Variants in UBE3D observed in about 807,000 individuals in gnomAD.
The protein encoded by UBE3D is E3 ubiquitin-protein ligase E3D.
UBE3D carries 48 observed loss-of-function variants against 49.6 expected under a neutral mutation model. That is an observed-to-expected ratio of 0.97 (90% CI 0.77 to 1.23). The LOEUF (loss-of-function observed/expected upper bound fraction) is 1.23. Among genes scored for constraint, UBE3D ranks in the 50% most tolerant of loss-of-function variants. UBE3D has a pLI of 0.00. For synonymous variants in UBE3D, 189 were observed against 174.2 expected, an observed-to-expected ratio of 1.08 and a Z score of -0.67; for missense variants, 452 against 468.4, an observed-to-expected ratio of 0.96 and a Z score of 0.32.
At chr6:82,917,038 G>T (rs890142546) in intron 9 of UBE3D, among the ~76,000 whole-genome samples, 9 of 152,186 alleles carry the variant, frequency 5.9e-5, no homozygotes, top group African/African-American at 1.9e-4. Context: ...AAAAGCTAAG[G>T]TTCTGCCTCC....
At chr6:82,983,925 A>AT (rs1473148247) in intron 8 of UBE3D, among the ~76,000 whole-genome samples, 12 of 151,706 alleles carry the variant, frequency 7.9e-5, no homozygotes, top group East Asian at 3.9e-4. Context: ...ACTTAAGTTC[A>AT]TTTTTTTTCC....
intron 1 of UBE3D, among the ~76,000 whole-genome samples, chr6:83,064,631 T>C (rs1274444773): frequency 2.0e-5 from 3 of 152,124 alleles, no homozygotes; most frequent in Admixed American, 6.5e-5. Context: ...TTGGTAGGGT[T>C]TGGGTTCCTA....
At chr6:82,960,781 C>G (rs1289746022) in intron 8 of UBE3D, among the ~76,000 whole-genome samples, 1 of 152,010 alleles carries the variant, frequency 6.6e-6, no homozygotes, top group Non-Finnish European at 1.5e-5. Flanking sequence ...TCTGCAGACA[C>G]AGTCAGGTAT....
chr6:82,949,331 A>G (rs1775623310), intron 9 of UBE3D, among the ~76,000 whole-genome samples: 1 of 152,112 alleles, frequency 6.6e-6, no homozygotes, highest in African/African-American at 2.4e-5. Flanking sequence ...GATCTCTACA[A>G]TGAAAACTGT....
chr6:82,999,574 G>A (rs1214190983), intron 8 of UBE3D, among the ~76,000 whole-genome samples: 6 of 151,920 alleles, frequency 3.9e-5, no homozygotes, highest in East Asian at 1.9e-4. Flanking sequence ...TAGTAGAGAC[G>A]GGGTTTCACC....
downstream of UBE3D, chr6:82,892,286 T>A (rs546642327): frequency 2.9e-4 from 44 of 152,372 alleles, no homozygotes; most frequent in African/African-American, 9.4e-4. Flanking sequence ...CCTTGTGAAA[T>A]TAGGAGCTAG....
chr6:82,938,732 C>T (rs1466804360), intron 9 of UBE3D: 1 of 152,132 alleles, frequency 6.6e-6, no homozygotes, highest in Non-Finnish European at 1.5e-5. Flanking sequence ...TCTTGAAATT[C>T]CCTATCATAC....
intron 8 of UBE3D, among the ~76,000 whole-genome samples, chr6:83,008,901 A>G (rs1357114079): frequency 6.6e-6 from 1 of 152,218 alleles, no homozygotes; most frequent in African/African-American, 2.4e-5. Flanking sequence ...ATAAAACAAA[A>G]GTAGTTACAT....
chr6:83,032,677 C>T (rs1781963755), intron 5 of UBE3D, among the ~76,000 whole-genome samples: 1 of 152,106 alleles, frequency 6.6e-6, no homozygotes, highest in East Asian at 1.9e-4. Flanking sequence ...TTGGCTGTGT[C>T]CCCACCCAAA....
chr6:83,030,459 T>A (rs1046482799), intron 5 of UBE3D, among the ~76,000 whole-genome samples: 1 of 152,202 alleles, frequency 6.6e-6, no homozygotes, highest in Non-Finnish European at 1.5e-5. Flanking sequence ...CTGCCTTTCC[T>A]CCTCCTTCAC....
intron 8 of UBE3D, among the ~76,000 whole-genome samples, chr6:82,992,581 G>C (rs116452620): frequency 0.017 from 2,585 of 152,258 alleles, 68 homozygotes; most frequent in African/African-American, 0.058. Flanking sequence ...TTTCCCAATG[G>C]AAATGTGAGC....
intron 5 of UBE3D, among the ~76,000 whole-genome samples, chr6:83,033,523 C>T (rs545462886): frequency 6.6e-6 from 1 of 152,108 alleles, no homozygotes; most frequent in East Asian, 1.9e-4. Flanking sequence ...TTAGCACCAT[C>T]CCCTTGGTGC....
At chr6:83,064,955 A>G (rs1784401322) in intron 1 of UBE3D, among the ~76,000 whole-genome samples, 1 of 152,246 alleles carries the variant, frequency 6.6e-6, no homozygotes, top group African/African-American at 2.4e-5. Context: ...GCGATCACAA[A>G]GGAATAGACA....
At chr6:82,994,365 G>A (rs1779102712) in intron 8 of UBE3D, among the ~76,000 whole-genome samples, 1 of 152,174 alleles carries the variant, frequency 6.6e-6, no homozygotes, top group Admixed American at 6.5e-5. Flanking sequence ...TATATGACCT[G>A]CATAGATCAA....
At chr6:83,037,208 G>A (rs1782325154) in intron 5 of UBE3D, 1 of 152,202 alleles carries the variant, frequency 6.6e-6, no homozygotes, top group African/African-American at 2.4e-5. Flanking sequence ...GGGCTCTACA[G>A]AGATTATTGG....
intron 8 of UBE3D, among the ~76,000 whole-genome samples, chr6:82,992,219 T>A (rs1396648656): frequency 1.2e-4 from 12 of 99,580 alleles, no homozygotes; most frequent in Non-Finnish European, 2.1e-4. Flanking sequence ...TGCATTCCTT[T>A]TTTTTTTTTT....
At chr6:83,032,848 A>G (rs148373715) in intron 5 of UBE3D, among the ~76,000 whole-genome samples, 263 of 152,280 alleles carry the variant, frequency 1.7e-3, no homozygotes, top group African/African-American at 6.1e-3. Context: ...TCCCCTGCAC[A>G]TGCTCTGTTG....
chr6:83,047,506 C>T (rs1018324078), intron 3 of UBE3D, among the ~76,000 whole-genome samples: 1 of 152,176 alleles, frequency 6.6e-6, no homozygotes, highest in Non-Finnish European at 1.5e-5. Flanking sequence ...CCTGGAACTA[C>T]GTCGTGTGGG....
At chr6:82,929,430 A>G (rs1371535043) in intron 9 of UBE3D, among the ~76,000 whole-genome samples, 1 of 152,144 alleles carries the variant, frequency 6.6e-6, no homozygotes, top group African/African-American at 2.4e-5. Context: ...ATTTTTTGCA[A>G]AATTTCTTTA....
Sources: gnomAD v4.1 joint callset for allele counts (sites outside exome capture counted in the v4.1 genomes callset) on GRCh38, gnomAD v4.1.1 for gene constraint, MANE v1.5 for transcripts, NCBI Gene and HGNC (gene_info 2026-07-23, HGNC 2026-07-21) for gene names.